Variants in HCN1 observed in about 807,000 individuals in gnomAD.
HCN1 encodes the protein potassium/sodium hyperpolarization-activated cyclic nucleotide-gated channel 1.
In HCN1, 13 loss-of-function variants were observed where a neutral mutation model predicts 78.9. The ratio of observed to expected loss-of-function variants is 0.16; its 90% CI spans 0.11 to 0.26. The LOEUF (loss-of-function observed/expected upper bound fraction) is 0.26, where lower values mean the gene tolerates loss of function less well. HCN1 is among the 10% of genes least tolerant of loss of function. The probability of loss-of-function intolerance (pLI) is 1.00; values close to 1 mark genes in which losing one functional copy is unlikely to be tolerated. For synonymous variants in HCN1, 552 were observed against 455.5 expected, an observed-to-expected ratio of 1.21 and a Z score of -2.70; for missense variants, 810 against 1,154.3, an observed-to-expected ratio of 0.70 and a Z score of 4.32.
chr5:45,371,766 A>AAAT (rs1554020972), intron 4 of HCN1, among the ~76,000 whole-genome samples: 2 of 140,752 alleles, frequency 1.4e-5, no homozygotes, highest in East Asian at 4.0e-4. Flanking sequence ...CAAAAAAAAA[A>AAAT]ATATATATAT....
intron 5 of HCN1, among the ~76,000 whole-genome samples, chr5:45,350,304 G>C (rs936386669): frequency 2.6e-5 from 4 of 152,046 alleles, no homozygotes; most frequent in African/African-American, 9.7e-5. Flanking sequence ...TGCAGAAAAG[G>C]CCTTTGACAA....
chr5:45,344,993 C>T (rs965225818), intron 5 of HCN1, among the ~76,000 whole-genome samples: 8 of 152,226 alleles, frequency 5.3e-5, no homozygotes, highest in African/African-American at 1.9e-4. Context: ...AGGGCCCTGT[C>T]CCTGCAGCAA....
intron 5 of HCN1, among the ~76,000 whole-genome samples, chr5:45,344,055 T>A (rs1003661965): frequency 4.6e-5 from 7 of 152,100 alleles, no homozygotes; most frequent in African/African-American, 1.7e-4. Flanking sequence ...CAGTTCAGCA[T>A]GGTAGGGGAG....
chr5:45,358,522 C>A (rs1747048506), intron 4 of HCN1, among the ~76,000 whole-genome samples: 1 of 152,022 alleles, frequency 6.6e-6, no homozygotes, highest in South Asian at 2.1e-4. Context: ...AACTCATGAC[C>A]AGCTTCTTAA....
intron 2 of HCN1, among the ~76,000 whole-genome samples, chr5:45,584,504 T>C (rs1744160030): frequency 6.6e-6 from 1 of 151,512 alleles, no homozygotes; most frequent in South Asian, 2.1e-4. Context: ...CTGTGTCTTT[T>C]AATTGGAGCG....
At chr5:45,284,819 C>G (rs1182234479) in intron 6 of HCN1, among the ~76,000 whole-genome samples, 1 of 152,050 alleles carries the variant, frequency 6.6e-6, no homozygotes, top group Non-Finnish European at 1.5e-5. Flanking sequence ...TTTGAAGTCA[C>G]AGTCATTAAT....
chr5:45,255,825 C>T lies in HCN1; in HGVS notation c.*6096G>A, dbSNP rs991725682. 9.2e-5 allele frequency: 14 copies of T among 152,010 alleles called. No homozygotes were observed. The highest frequency in any genetic ancestry group is 7.9e-4 in the Admixed American group (12 of 15,264). 9.4% of individuals were successfully genotyped at this position (152,010 alleles called of 1,614,324 possible). ...GGAAATAAAAACCTTTCAAGAAAGT[C>T]TCTTTGCCTCTACACATCTGAATAT... On this transcript the variant is annotated 3_prime_UTR_variant, in exon 8 of 8. Coordinates refer to ENST00000303230, the MANE Select transcript of HCN1 (RefSeq NM_021072.4).
chr5:45,289,223 T>C (rs1208622110), intron 6 of HCN1, among the ~76,000 whole-genome samples: 1 of 152,092 alleles, frequency 6.6e-6, no homozygotes, highest in Non-Finnish European at 1.5e-5. Flanking sequence ...AATGTATACT[T>C]AATGCCTCAC....
At chr5:45,536,545 T>A (rs1156485654) in intron 2 of HCN1, among the ~76,000 whole-genome samples, 1 of 152,188 alleles carries the variant, frequency 6.6e-6, no homozygotes, top group Admixed American at 6.5e-5. Context: ...GGCTTATATT[T>A]CTTTGTTGAG....
chr5:45,645,242 A>G lies in HCN1; in HGVS notation c.792T>C (p.Ser264=). The G allele has an allele frequency of 6.2e-7, 1 of 1,613,646 alleles. No homozygotes were observed. Among genetic ancestry groups the G allele is most frequent in the Non-Finnish European group, 8.5e-7 (1 of 1,179,814 alleles). The stretch of plus-strand genomic sequence containing the variant: ...TTGAAAGTCGTAATAAACGCAAGAG[A>G]CTGAGAATTTTTGTAAACCTCACAA... ...LRIVRFTKIL[S]LLRLLRLSRL... The change falls in exon 2 of 8, where the codon AGT becomes AGC. Residue 264 remains serine, a synonymous_variant. Transcript: ENST00000303230.
At chr5:45,549,301 A>G (rs1461164977) in intron 2 of HCN1, among the ~76,000 whole-genome samples, 1 of 152,160 alleles carries the variant, frequency 6.6e-6, no homozygotes, top group Admixed American at 6.5e-5. Flanking sequence ...AAACAGAGAT[A>G]TAGACCAATG....
rs779746846 is a variant in HCN1, at chr5:45,262,723, T to C, written c.1871A>G (p.Gln624Arg). Residue 624 changes from glutamine (Q) to arginine (R), a missense_variant, in exon 8 of 8, where the codon CAG becomes CGG. Physicochemically the swap from Gln to Arg is conservative, Grantham distance 43 (BLOSUM62 1). Around this residue, in one of 6 missense-constraint regions of HCN1, gnomAD observed 398 missense variants for 381.3 expected, o/e 1.04. Coordinates refer to ENST00000303230, the MANE Select transcript of HCN1 (RefSeq NM_021072.4). ...FNNQENEILKQIVKHDREMVQ... is the reference protein window; with the variant it reads ...FNNQENEILKRIVKHDREMVQ... ...CATCTCCCTGTCATGTTTCACAATC[T>C]GCTTGAGGATTTCGTTCTCCTGATT... The C allele has an allele frequency of 6.2e-7, 1 of 1,614,176 alleles. No individual in the cohort carries two copies. The highest frequency in any genetic ancestry group is 8.5e-7 in the Non-Finnish European group (1 of 1,180,042).
At chr5:45,440,690 C>T (rs1331205859) in intron 3 of HCN1, among the ~76,000 whole-genome samples, 1 of 152,158 alleles carries the variant, frequency 6.6e-6, no homozygotes, top group African/African-American at 2.4e-5. Context: ...TGTTGTTCTG[C>T]CCAAACCACT....
chr5:45,671,103 T>G (rs79184415), intron 1 of HCN1, among the ~76,000 whole-genome samples: 4,629 of 151,794 alleles, frequency 0.03, 98 homozygotes, highest in Non-Finnish European at 0.047. Flanking sequence ...TCAGTTATTT[T>G]AGAGAAAACA....
chr5:45,657,771 C>G (rs1051800271), intron 1 of HCN1, among the ~76,000 whole-genome samples: 1 of 152,180 alleles, frequency 6.6e-6, no homozygotes, highest in African/African-American at 2.4e-5. Context: ...ACATTCCATG[C>G]TCATGGGTAG....
chr5:45,290,953 T>G (rs2111884600), intron 6 of HCN1, among the ~76,000 whole-genome samples: 1 of 152,188 alleles, frequency 6.6e-6, no homozygotes, highest in South Asian at 2.1e-4. Flanking sequence ...AAATATAGGT[T>G]ATTCTTGTCA....
chr5:45,503,567 A>G (rs1742233555), intron 2 of HCN1, among the ~76,000 whole-genome samples: 1 of 152,180 alleles, frequency 6.6e-6, no homozygotes, highest in Non-Finnish European at 1.5e-5. Context: ...ATAAATAAAT[A>G]TTCTTAATTA....
At chr5:45,264,307 A>T (rs372464815) in intron 7 of HCN1, among the ~76,000 whole-genome samples, 51 of 152,194 alleles carry the variant, frequency 3.4e-4, no homozygotes, top group Non-Finnish European at 5.6e-4. Context: ...TTGCAATACT[A>T]GACAGTCTCT....
intron 2 of HCN1, among the ~76,000 whole-genome samples, chr5:45,629,906 G>A (rs895192701): frequency 6.6e-6 from 1 of 152,036 alleles, no homozygotes; most frequent in African/African-American, 2.4e-5. Flanking sequence ...CTGAAAATTG[G>A]TACTTCCATT....
Sources: allele counts gnomAD v4.1 joint callset (sites outside exome capture counted in the v4.1 genomes callset), GRCh38; gene constraint gnomAD v4.1.1; regional missense constraint gnomAD v4.1.1; transcripts MANE v1.5; gene names NCBI Gene and HGNC (gene_info 2026-07-23, HGNC 2026-07-21).